The following AMZ1 variants were observed in gnomAD, a reference collection of about 807,000 sequenced individuals.
AMZ1 encodes archaelysin family metallopeptidase 1.
In AMZ1, 39 loss-of-function variants were observed where a neutral mutation model predicts 29.9. The observed-to-expected ratio is 1.30, with a 90% CI of 1.01 to 1.70. The LOEUF is 1.70. AMZ1 is among the 40% of genes most tolerant of loss of function. AMZ1 has a pLI of 0.00. For synonymous variants in AMZ1, 458 were observed against 304.0 expected (o/e 1.51, Z -5.27); for missense variants, 1,041 against 680.6 (o/e 1.53, Z -5.89).
intron 2 of AMZ1, 103 bp downstream of exon 2, chr7:2,700,858 G>C (rs1583160202): frequency 2.1e-6 from 3 of 1,446,476 alleles, no homozygotes; most frequent in East Asian, 4.7e-5. Context: ...ACTGAAATGA[G>C]GGAAGAGGGT....
In AMZ1 at chr7:2,702,741, G is replaced by A; in HGVS notation, c.324G>A (p.Val108=). Residue 108 remains valine (V), a synonymous_variant, in exon 3 of 7, where the codon GTG becomes GTA. Transcript: ENST00000683327. ...CACCAGACCTGAGCGAGGAGCCGGTGGGAAGCTCCCTGCTGCACCAGCTGT... is the reference window on the plus strand; with the variant it reads ...CACCAGACCTGAGCGAGGAGCCGGTAGGAAGCTCCCTGCTGCACCAGCTGT... ...LQPIDLSEEP[V]GSSLLHQLCS... The A allele has an allele frequency of 2.6e-6, 4 of 1,537,252 alleles. No individual in the cohort carries two copies. Among genetic ancestry groups the A allele is most frequent in the Non-Finnish European group, 3.5e-6 (4 of 1,143,978 alleles).
At chr7:2,732,559 A>C (rs1006820576) in intron 4 of AMZ1, among the ~76,000 whole-genome samples, 1 of 152,088 alleles carries the variant, frequency 6.6e-6, no homozygotes, top group Non-Finnish European at 1.5e-5. Context: ...AAATCGAAAA[A>C]CAAAACAGAA....
intron 5 of AMZ1, among the ~76,000 whole-genome samples, 181 bp from the exon 6 acceptor site, chr7:2,709,459 C>T (rs1189728547): frequency 6.6e-6 from 1 of 152,158 alleles, no homozygotes; most frequent in Non-Finnish European, 1.5e-5. Context: ...CCTGACTCAC[C>T]TTTCCCCTGG....
intron 4 of AMZ1, among the ~76,000 whole-genome samples, chr7:2,747,530 A>G (rs1290981349): frequency 6.6e-6 from 1 of 152,046 alleles, no homozygotes; most frequent in Non-Finnish European, 1.5e-5. Flanking sequence ...TCAAAATAAT[A>G]AGAGCTATCT....
chr7:2,753,953 G>C (rs181838698), intron 4 of AMZ1, among the ~76,000 whole-genome samples: 3 of 152,218 alleles, frequency 2.0e-5, no homozygotes, highest in Non-Finnish European at 2.9e-5. Flanking sequence ...CTGTAGGTCC[G>C]GCGGCGCATC....
rs534332330 is a variant in AMZ1, at chr7:2,709,527, C to G, written c.772-113C>G. On this transcript the variant is annotated intron_variant, in intron 5 of 6. Coordinates refer to ENST00000683327, the MANE Select transcript of AMZ1 (RefSeq NM_001384743.1). ...GGGGGAGGGCGCCTGGACCACCTCCCGGCCATCTGGCCTCACCCAGGTCCT... is the reference window on the plus strand; with the variant it reads ...GGGGGAGGGCGCCTGGACCACCTCCGGGCCATCTGGCCTCACCCAGGTCCT... 3.4e-5 allele frequency: 50 copies of G among 1,459,228 alleles called. No homozygotes were observed. In the East Asian group the frequency reaches 6.0e-4, roughly 18 times the overall value. The allele number at this position is 1,459,228 out of a possible 1,614,324, so 90.4% of individuals were successfully genotyped here. A position where few individuals can be genotyped will look rare whatever the true frequency, so the allele number is the denominator to read the frequency against.
chr7:2,709,996 C>A lies in AMZ1; in HGVS notation c.948+180C>A, dbSNP rs576579836. On this transcript the variant is annotated intron_variant, in intron 6 of 6. Transcript: ENST00000683327. ...TTGAGCTCCATCCGGATCTCACTGG[C>A]AGTAGATCGAGTCCTGCCAGGGCCC... Among the ~76,000 whole-genome samples the A allele has an allele frequency of 5.3e-5, 8 of 152,340 alleles. No individual in the cohort carries two copies. In the South Asian group the frequency reaches 1.7e-3, roughly 32 times the overall value.
chr7:2,722,503 C>A (rs1789465705), downstream of AMZ1, among the ~76,000 whole-genome samples: 1 of 151,846 alleles, frequency 6.6e-6, no homozygotes, highest in Non-Finnish European at 1.5e-5. Flanking sequence ...GATCTCCTGA[C>A]CTCGTGATCC....
intron 3 of AMZ1, among the ~76,000 whole-genome samples, chr7:2,707,885 G>C (rs530054760): frequency 1.4e-5 from 2 of 147,616 alleles, no homozygotes; most frequent in Non-Finnish European, 3.0e-5. Context: ...GGGCAGTGGC[G>C]TGATGTCAGC....
chr7:2,739,314 C>T (rs930373789), intron 4 of AMZ1, among the ~76,000 whole-genome samples: 3 of 152,096 alleles, frequency 2.0e-5, no homozygotes, highest in African/African-American at 7.3e-5. Context: ...CCTGACAACA[C>T]GAATCTGCTT....
chr7:2,758,027 G>A (rs1168844150), intron 4 of AMZ1, among the ~76,000 whole-genome samples: 1 of 152,178 alleles, frequency 6.6e-6, no homozygotes, highest in Non-Finnish European at 1.5e-5. Flanking sequence ...ATAAATGTCT[G>A]GAAAACCTCT....
At chr7:2,679,993 C>T (rs1583124382) in intron 1 of AMZ1, among the ~76,000 whole-genome samples, 1 of 152,190 alleles carries the variant, frequency 6.6e-6, no homozygotes, top group Admixed American at 6.5e-5. Context: ...GCAGACAGAG[C>T]TGAGGGACGC....
rs1788656332 is a variant in AMZ1, at chr7:2,709,899, A to C, written c.948+83A>C. 2.6e-6 allele frequency: 4 copies of C among 1,546,496 alleles called. No individual in the cohort carries two copies. The Middle Eastern group carries it at 6.7e-4, about 258-fold the overall frequency. On this transcript the variant is annotated intron_variant, in intron 6 of 6. Coordinates refer to ENST00000683327, the MANE Select transcript of AMZ1 (RefSeq NM_001384743.1). ...GCGCCGCCTGGAGGCTACGCAGGGC[A>C]TGGGGACCGCACACAGGCTTTGTCA... is the stretch of plus-strand genomic sequence containing the variant.
intron 4 of AMZ1, among the ~76,000 whole-genome samples, chr7:2,740,089 T>C (rs1389792805): frequency 6.6e-6 from 1 of 152,202 alleles, no homozygotes; most frequent in Non-Finnish European, 1.5e-5. Flanking sequence ...ATCCACATCC[T>C]TGCCAACACT....
At chr7:2,759,414 T>C (rs915167720) in intron 4 of AMZ1, among the ~76,000 whole-genome samples, 1 of 152,172 alleles carries the variant, frequency 6.6e-6, no homozygotes, top group African/African-American at 2.4e-5. Context: ...CGGTGTGTTA[T>C]TACTGTTCTG....
In AMZ1 at chr7:2,694,789, C is replaced by G. The variant is rs909902749; in HGVS notation, c.-218-5445C>G. Among the ~76,000 whole-genome samples the G allele has an allele frequency of 1.4e-4, 22 of 152,106 alleles. 1 individual carries two copies. The highest frequency in any genetic ancestry group is 5.3e-4 in the African/African-American group (22 of 41,512). Reference sequence around the variant, plus strand: ...CTGGATTCAAGCGATTCTCCTGCCTCAGCCTCCCGAGTAGCTGGGATTACA... The same window carrying G: ...CTGGATTCAAGCGATTCTCCTGCCTGAGCCTCCCGAGTAGCTGGGATTACA... On this transcript the variant is annotated intron_variant, in intron 1 of 6. Coordinates refer to ENST00000683327, the MANE Select transcript of AMZ1 (RefSeq NM_001384743.1).
intron 4 of AMZ1, among the ~76,000 whole-genome samples, chr7:2,737,118 G>T (rs1047724171): frequency 2.0e-5 from 3 of 152,146 alleles, no homozygotes; most frequent in African/African-American, 7.2e-5. Context: ...AGGTAACCGT[G>T]GATTGGTCTC....
At chr7:2,687,361 C>T (rs566543893), upstream of AMZ1, among the ~76,000 whole-genome samples, 23 of 151,656 alleles carry the variant, frequency 1.5e-4, no homozygotes, top group East Asian at 4.5e-3. Context: ...TGGTGTGGGA[C>T]GATGGTGACG....
At chr7:2,722,872 G>A (rs1789479586), downstream of AMZ1, among the ~76,000 whole-genome samples, 1 of 152,102 alleles carries the variant, frequency 6.6e-6, no homozygotes, top group African/African-American at 2.4e-5. Context: ...CAGCTACTTG[G>A]AAGGCCAAGG....
Sources: allele counts gnomAD v4.1 joint callset (sites outside exome capture counted in the v4.1 genomes callset), GRCh38; gene constraint gnomAD v4.1.1; transcripts MANE v1.5; gene names NCBI Gene and HGNC (gene_info 2026-07-23, HGNC 2026-07-21).